Variants in ZNF582 observed in about 807,000 individuals in gnomAD.
ZNF582 encodes zinc finger protein 582.
In ZNF582, 14 loss-of-function variants were observed where a neutral mutation model predicts 12.3. The observed-to-expected ratio is 1.14, with a 90% confidence interval of 0.75 to 1.78. The LOEUF is 1.78. ZNF582 is among the 40% of genes most tolerant of loss of function. The pLI is 0.00. For synonymous variants in ZNF582, 210 were observed against 207.2 expected, an observed-to-expected ratio of 1.01 and a Z score of -0.11; for missense variants, 567 against 616.5, an observed-to-expected ratio of 0.92 and a Z score of 0.85.
rs1239782128 is a variant in ZNF582 at position 56,391,728 on chromosome 19, G to A, written c.9+16C>T. On this transcript the variant is annotated intron_variant, in intron 2 of 4. Transcript: ENST00000586929. ...AAGATAAGGAAAGCAAATATTTATG[G>A]GATTTAAAAACTCACAAGGGACATG... 1 of 1,608,460 alleles carries A rather than the reference G, an allele frequency of 6.2e-7. No homozygotes were observed. The highest frequency in any genetic ancestry group is 8.5e-7 in the Non-Finnish European group (1 of 1,175,036).
chr19:56,389,625 C>G (rs993472561), intron 4 of ZNF582, among the ~76,000 whole-genome samples: 1 of 151,918 alleles, frequency 6.6e-6, no homozygotes, highest in East Asian at 1.9e-4. Flanking sequence ...CCCCATGACA[C>G]AAGTTTACCT....
At chr19:56,383,835 G>A in exon 5 of ZNF582, 7 of 1,519,258 alleles carry the variant, frequency 4.6e-6, no homozygotes, top group Non-Finnish European at 6.1e-6. Context: ...TCTCCAAGAG[G>A]GAGAAGTAAG....
At chr19:56,393,409 C>A in exon 1 of ZNF582, 1 of 595,436 alleles carries the variant, frequency 1.7e-6, no homozygotes, top group Non-Finnish European at 2.9e-6. Flanking sequence ...CTGCTGGACC[C>A]CAGAGCGCCT....
chr19:56,388,735 C>A (rs556794009), intron 4 of ZNF582, among the ~76,000 whole-genome samples: 1 of 152,076 alleles, frequency 6.6e-6, no homozygotes, highest in Non-Finnish European at 1.5e-5. Flanking sequence ...CGTGTTCAAG[C>A]GATTCTCCTG....
At chr19:56,391,867 C>T (rs917123339) in intron 1 of ZNF582, 35 bp from the exon 2 acceptor site, 3 of 1,586,636 alleles carry the variant, frequency 1.9e-6, no homozygotes, top group Non-Finnish European at 2.6e-6. Context: ...AGAGGCTAGG[C>T]TTGCCTCACA....
At chr19:56,393,380 C>T in exon 1 of ZNF582, 2 of 735,904 alleles carry the variant, frequency 2.7e-6, no homozygotes, top group Middle Eastern at 2.9e-4. Flanking sequence ...TGAGACCCAA[C>T]CGGCCCGGGC....
Position 56,389,773 on chromosome 19 carries a change from T to C in ZNF582, c.232+228A>G, listed in dbSNP as rs559773728. On this transcript the variant is annotated intron_variant, in intron 4 of 4. Transcript: ENST00000586929. ...AAAATACTTTCCTTAGGAACCACCA[T>C]ATTTGTACTCAGTCTAGCCCTATAA... Among the ~76,000 whole-genome samples, 7 of 152,228 alleles carry C rather than the reference T, an allele frequency of 4.6e-5. No homozygotes were observed. In the South Asian group the frequency reaches 1.2e-3, roughly 27 times the overall value.
intron 4 of ZNF582, chr19:56,387,279 C>G (rs540243887): frequency 9.2e-5 from 14 of 152,274 alleles, no homozygotes; most frequent in African/African-American, 3.4e-4. Context: ...GTATTCCTAA[C>G]ATTTGTCTGG....
chr19:56,385,169 T>C, exon 5 of ZNF582: 1 of 1,597,032 alleles, frequency 6.3e-7, no homozygotes, highest in Non-Finnish European at 8.5e-7. Context: ...CTTGGTATCA[T>C]ATCTGGACTC....
At chr19:56,387,913 T>TA (rs2041981465) in intron 4 of ZNF582, among the ~76,000 whole-genome samples, 1 of 152,244 alleles carries the variant, frequency 6.6e-6, no homozygotes, top group Non-Finnish European at 1.5e-5. Context: ...TTCTTAGTTT[T>TA]AAAAAACATT....
chr19:56,389,950 C>T lies in ZNF582; in HGVS notation c.232+51G>A, dbSNP rs141054735. 8.8e-3 allele frequency: 12,874 copies of T among 1,466,980 alleles called. 90 individuals are homozygous for T. The highest frequency in any genetic ancestry group is 0.011 in the Non-Finnish European group (11,288 of 1,051,092). 90.9% of individuals were successfully genotyped at this position (1,466,980 alleles called of 1,614,324 possible). On this transcript the variant is annotated intron_variant, in intron 4 of 4. Coordinates refer to ENST00000586929, the Ensembl canonical transcript of ZNF582. ...TTCTAAGACAAAGGGCCACTTCCAG[C>T]GGACCTGATACCTGCAGTGGCTGCT...
At chr19:56,383,684 A>T in exon 5 of ZNF582, 1 of 647,476 alleles carries the variant, frequency 1.5e-6, no homozygotes, top group Non-Finnish European at 2.2e-6. Flanking sequence ...AATTTCTCCC[A>T]ACCTTTCCCA....
At chr19:56,393,524 T>G (rs1387515292) in exon 1 of ZNF582, 1 of 487,784 alleles carries the variant, frequency 2.1e-6, no homozygotes, top group Non-Finnish European at 4.1e-6. Flanking sequence ...ACCGGTGGAT[T>G]CGCCGTGCGC....
At chr19:56,391,203 A>T (rs2042011420) in intron 2 of ZNF582, among the ~76,000 whole-genome samples, 1 of 152,206 alleles carries the variant, frequency 6.6e-6, no homozygotes, top group South Asian at 2.1e-4. Context: ...TACATCGCTC[A>T]CCATCCTCAG....
At position 56,389,871 on chromosome 19, in the gene ZNF582, G is replaced by A. The variant is rs558482787; in HGVS notation, c.232+130C>T. On this transcript the variant is annotated intron_variant, in intron 4 of 4. Coordinates refer to ENST00000586929, the Ensembl canonical transcript of ZNF582. The stretch of plus-strand genomic sequence containing the variant: ...TTGTCAAATGCTGCTGACGAGCTGA[G>A]GAAAACAACACGTAAGACATAAGCT... 9.1e-6 allele frequency: 6 copies of A among 661,588 alleles called. No homozygotes were observed. The East Asian group carries it at 1.4e-4, about 15-fold the overall frequency. 41.0% of individuals were successfully genotyped at this position (661,588 alleles called of 1,614,324 possible).
chr19:56,390,983 A>C (rs2042009869), intron 2 of ZNF582, among the ~76,000 whole-genome samples: 1 of 152,196 alleles, frequency 6.6e-6, no homozygotes, highest in Non-Finnish European at 1.5e-5. Context: ...TTTCTTGGAG[A>C]TGAAAGTTCA....
chr19:56,383,729 T>A (rs1568782049), exon 5 of ZNF582: 2 of 1,043,032 alleles, frequency 1.9e-6, no homozygotes, highest in Non-Finnish European at 2.6e-6. Context: ...ACAATTTACA[T>A]CCATAAAATT....
exon 5 of ZNF582, chr19:56,383,979 T>C (rs2041939876): frequency 6.2e-7 from 1 of 1,614,028 alleles, no homozygotes; most frequent in East Asian, 2.2e-5. Context: ...TTTATTATAT[T>C]CACATGTGTT....
chr19:56,387,612 A>G (rs7250287), intron 4 of ZNF582: 73,845 of 151,402 alleles, frequency 0.49, 18,348 homozygotes, highest in Middle Eastern at 0.7. Flanking sequence ...TCTTTTTTGC[A>G]GGGGAGATGG....
Sources: allele counts gnomAD v4.1 joint callset (sites outside exome capture counted in the v4.1 genomes callset), GRCh38; gene constraint gnomAD v4.1.1; transcripts MANE v1.5; gene names NCBI Gene and HGNC (gene_info 2026-07-23, HGNC 2026-07-21).